ZNF385C: variants seen among roughly 807,000 people sequenced by gnomAD.
ZNF385C encodes zinc finger protein 385C.
In ZNF385C, 28 loss-of-function variants were observed where a neutral mutation model predicts 35.4. The observed-to-expected ratio is 0.79, with a 90% CI of 0.59 to 1.08. ZNF385C has a LOEUF of 1.08. ZNF385C is among the 50% of genes least tolerant of loss of function. The pLI is 0.00. For synonymous variants in ZNF385C, 248 were observed against 248.2 expected (o/e 1.00, Z 0.01); for missense variants, 605 against 595.6 (o/e 1.02, Z -0.16).
intron 1 of ZNF385C, among the ~76,000 whole-genome samples, chr17:42,089,171 C>T (rs150246759): frequency 2.6e-5 from 4 of 152,144 alleles, no homozygotes; most frequent in African/African-American, 9.6e-5. Context: ...CAAAAATTAG[C>T]TGGGTGTGGT....
intron 3 of ZNF385C, among the ~76,000 whole-genome samples, chr17:42,036,536 AAAAAT>A (rs781815283): frequency 1.3e-5 from 2 of 152,174 alleles, no homozygotes; most frequent in South Asian, 2.1e-4. Context: ...CTGCTTATAT[AAAAAT>A]AAAATAAAAT....
At chr17:42,082,450 C>T (rs1157370616) in intron 1 of ZNF385C, among the ~76,000 whole-genome samples, 1 of 152,240 alleles carries the variant, frequency 6.6e-6, no homozygotes, top group Admixed American at 6.5e-5. Flanking sequence ...GTGACTGGCT[C>T]CTCTAGATCC....
intron 2 of ZNF385C, chr17:42,040,503 A>G: frequency 8.1e-7 from 1 of 1,232,616 alleles, no homozygotes; most frequent in East Asian, 3.2e-5. Context: ...GCTTCTGCAC[A>G]GAGGGCAGGG....
intron 4 of ZNF385C, among the ~76,000 whole-genome samples, chr17:42,032,059 G>T (rs992532794): frequency 6.6e-6 from 1 of 151,932 alleles, no homozygotes; most frequent in South Asian, 2.1e-4. Flanking sequence ...TGTTGTTGTT[G>T]TTTTTGTTTT....
At chr17:42,054,301 G>A (rs9897181) in intron 2 of ZNF385C, among the ~76,000 whole-genome samples, 110,504 of 152,144 alleles carry the variant, frequency 0.73, 42,560 homozygotes, top group South Asian at 0.85. Flanking sequence ...GGCTCTTGCC[G>A]CCCTCTTGCC....
At chr17:42,043,392 A>T (rs781935685) in intron 2 of ZNF385C, 14 of 1,232,092 alleles carry the variant, frequency 1.1e-5, no homozygotes, top group Non-Finnish European at 1.4e-5. Context: ...CTCTCTCAGC[A>T]AGGAACCCCC....
chr17:42,068,879 C>T (rs2053584888), intron 1 of ZNF385C, among the ~76,000 whole-genome samples: 1 of 152,092 alleles, frequency 6.6e-6, no homozygotes, highest in African/African-American at 2.4e-5. Context: ...GCCACAGATT[C>T]AGAGAAGGGC....
intron 3 of ZNF385C, among the ~76,000 whole-genome samples, chr17:42,035,141 A>G (rs1487871480): frequency 2.5e-4 from 33 of 130,228 alleles, no homozygotes; most frequent in Non-Finnish European, 5.5e-4. Flanking sequence ...AAAAAAAAAG[A>G]GAAGAGAAAA....
chr17:42,040,219 G>A (rs1307718643), intron 2 of ZNF385C: 4 of 1,231,598 alleles, frequency 3.2e-6, no homozygotes, highest in Non-Finnish European at 3.0e-6. Context: ...CCCGGGGTAG[G>A]AGTCCTGTAG....
chr17:42,051,236 T>C (rs1043573342), intron 2 of ZNF385C, among the ~76,000 whole-genome samples: 1 of 150,890 alleles, frequency 6.6e-6, no homozygotes, highest in Admixed American at 6.6e-5. Flanking sequence ...TCCGGAGGAG[T>C]TGGAACTGGG....
At chr17:42,035,161 G>GGAAAA (rs1301855018) in intron 3 of ZNF385C, among the ~76,000 whole-genome samples, 5 of 147,236 alleles carry the variant, frequency 3.4e-5, no homozygotes, top group African/African-American at 7.5e-5. Flanking sequence ...AGAAAAGAAA[G>GGAAAA]GAAAAGAAAA....
chr17:42,079,382 CAAAA>C (rs571676432), intron 1 of ZNF385C, among the ~76,000 whole-genome samples: 6 of 74,066 alleles, frequency 8.1e-5, no homozygotes, highest in Admixed American at 4.9e-4. Context: ...GACTCTGTCT[CAAAA>C]AAAAAAAAAA....
At chr17:42,043,546 T>C (rs2053079073) in intron 2 of ZNF385C, 1 of 460,982 alleles carries the variant, frequency 2.2e-6, no homozygotes, top group Non-Finnish European at 3.5e-6. Context: ...AGTTTATTCC[T>C]GCTCTGCCGG....
In ZNF385C at chr17:42,028,936, C is replaced by G. The variant is rs1555654683; in HGVS notation, c.814G>C (p.Glu272Gln). The change falls in exon 6 of 9, where the codon GAG becomes CAG. Residue 272 changes from glutamate to glutamine, a missense_variant. Transcript: ENST00000692273. ...SSSSCPPCSP[E>Q]PGREAPGPEP... ...GGCCCCGGTGCCTCTCTCCCAGGCT[C>G]TGGGGAGCAAGGTGGGCAGGAGGAA... is the stretch of plus-strand genomic sequence containing the variant. 7 of 1,550,610 alleles carry G rather than the reference C, an allele frequency of 4.5e-6. No individual in the cohort carries two copies. The Admixed American group carries it at 1.2e-4, about 26-fold the overall frequency.
intron 2 of ZNF385C, among the ~76,000 whole-genome samples, chr17:42,056,367 G>A (rs1435632393): frequency 2.0e-5 from 3 of 152,144 alleles, no homozygotes; most frequent in East Asian, 1.9e-4. Flanking sequence ...GCCCTCTCTG[G>A]GCCATACTCC....
intron 2 of ZNF385C, among the ~76,000 whole-genome samples, chr17:42,052,410 G>A (rs1164298774): frequency 2.0e-5 from 3 of 152,012 alleles, no homozygotes; most frequent in Non-Finnish European, 4.4e-5. Context: ...GGCAGGTTTA[G>A]ACATCAAGGC....
At position 42,034,208 on chromosome 17, in the gene ZNF385C, T is replaced by C. The variant is rs1555655190; in HGVS notation, c.510+17A>G. The C allele has an allele frequency of 6.5e-7, 1 of 1,547,076 alleles. No individual in the cohort carries two copies. Among genetic ancestry groups the C allele is most frequent in the Non-Finnish European group, 8.7e-7 (1 of 1,143,876 alleles). ...CCCAGCCCCCTCCCCAGACCTGCTT[T>C]CACTACTTTGTCTCACCGCTGAGTT... On this transcript the variant is annotated intron_variant, in intron 4 of 8. Coordinates refer to ENST00000692273, the MANE Select transcript of ZNF385C (RefSeq NM_001392013.1).
intron 2 of ZNF385C, chr17:42,040,308 C>T: frequency 8.1e-7 from 1 of 1,231,770 alleles, no homozygotes; most frequent in Non-Finnish European, 1.0e-6. Flanking sequence ...AACCGAGCAG[C>T]TCCACGCCGC....
intron 2 of ZNF385C, among the ~76,000 whole-genome samples, chr17:42,042,347 C>G (rs1482730045): frequency 6.6e-6 from 1 of 152,108 alleles, no homozygotes; most frequent in Non-Finnish European, 1.5e-5. Context: ...CATGGTGATA[C>G]CCCGTCTCTA....
Sources: allele counts gnomAD v4.1 joint callset (sites outside exome capture counted in the v4.1 genomes callset), GRCh38; gene constraint gnomAD v4.1.1; transcripts MANE v1.5; gene names NCBI Gene and HGNC (gene_info 2026-07-23, HGNC 2026-07-21).